Variants in MAPRE2 observed in about 807,000 individuals in gnomAD.
The protein encoded by MAPRE2 is microtubule associated protein RP/EB family member 2, also known as microtubule-associated protein RP/EB family member 2.
In MAPRE2, 13 loss-of-function variants were observed where a neutral mutation model predicts 43.2. The observed-to-expected ratio is 0.30, with a 90% CI of 0.20 to 0.48. MAPRE2 has a LOEUF of 0.48. Ranked by LOEUF, MAPRE2 falls within the 20% of genes least tolerant of loss-of-function variation. The pLI is 0.99. For missense variants in MAPRE2, 161 were observed against 400.2 expected (o/e 0.40, Z 5.10); for synonymous variants, 135 against 148.8 (o/e 0.91, Z 0.68).
At chr18:35,014,435 C>A (rs1453509773) in intron 2 of MAPRE2, among the ~76,000 whole-genome samples, 2 of 149,514 alleles carry the variant, frequency 1.3e-5, no homozygotes, top group Non-Finnish European at 3.0e-5. Context: ...CTATATAAGG[C>A]ATATATACCT....
intron 2 of MAPRE2, among the ~76,000 whole-genome samples, chr18:35,007,612 G>A (rs576047449): frequency 1.3e-5 from 2 of 152,366 alleles, no homozygotes; most frequent in South Asian, 4.1e-4. Flanking sequence ...TGGCCTGCAG[G>A]CCATCATTTG....
At chr18:34,990,487 T>A (rs943777973) in intron 1 of MAPRE2, among the ~76,000 whole-genome samples, 1 of 152,116 alleles carries the variant, frequency 6.6e-6, no homozygotes, top group Non-Finnish European at 1.5e-5. Flanking sequence ...TGTTGGGATA[T>A]TTTTGTCTGG....
At chr18:35,074,273 A>AG (rs796133806) in intron 2 of MAPRE2, among the ~76,000 whole-genome samples, 9 of 151,894 alleles carry the variant, frequency 5.9e-5, no homozygotes, top group Non-Finnish European at 1.2e-4. Context: ...CAGCTTGGGC[A>AG]GGGGGGTGAT....
At chr18:35,138,446 A>G (rs1034492996) in intron 6 of MAPRE2, among the ~76,000 whole-genome samples, 2 of 152,140 alleles carry the variant, frequency 1.3e-5, no homozygotes, top group Non-Finnish European at 2.9e-5. Context: ...GTAAGAGACA[A>G]TGCCAGATTT....
chr18:35,097,369 C>CTACATG, intron 2 of MAPRE2, 77 bp from the exon 3 acceptor site: 1 of 1,348,940 alleles, frequency 7.4e-7, no homozygotes, highest in Non-Finnish European at 1.0e-6. Flanking sequence ...AAGGACAATC[C>CTACATG]CCTTCCAGCC....
chr18:35,081,417 C>T (rs937464827), intron 2 of MAPRE2, among the ~76,000 whole-genome samples: 1 of 152,142 alleles, frequency 6.6e-6, no homozygotes, highest in African/African-American at 2.4e-5. Flanking sequence ...ACAGTCTGCA[C>T]GAATGTTATG....
chr18:35,119,842 G>GTAT (rs1909593846), intron 4 of MAPRE2, among the ~76,000 whole-genome samples: 1 of 152,108 alleles, frequency 6.6e-6, no homozygotes, highest in Non-Finnish European at 1.5e-5. Flanking sequence ...TATTTTCTTA[G>GTAT]TATTTCAGCT....
intron 1 of MAPRE2, among the ~76,000 whole-genome samples, chr18:35,046,408 G>A (rs1376865638): frequency 6.6e-6 from 1 of 152,220 alleles, no homozygotes; most frequent in African/African-American, 2.4e-5. Context: ...CTGAAGTCCA[G>A]TGTGCTGTAG....
At chr18:35,095,893 C>T (rs530747876) in intron 2 of MAPRE2, among the ~76,000 whole-genome samples, 1 of 152,052 alleles carries the variant, frequency 6.6e-6, no homozygotes, top group African/African-American at 2.4e-5. Context: ...TAAGAGAACC[C>T]ATCTGCTTGA....
intron 2 of MAPRE2, among the ~76,000 whole-genome samples, chr18:35,019,371 T>C (rs555235799): frequency 1.3e-5 from 2 of 151,970 alleles, no homozygotes; most frequent in Non-Finnish European, 2.9e-5. Context: ...CCAGAATTCC[T>C]TTGTCAATTG....
At chr18:35,111,431 AT>A (rs1909168207) in intron 4 of MAPRE2, among the ~76,000 whole-genome samples, 1 of 151,890 alleles carries the variant, frequency 6.6e-6, no homozygotes, top group Non-Finnish European at 1.5e-5. Context: ...TGTTGATTTT[AT>A]TTTTCTTTGA....
chr18:35,059,476 A>T (rs1337756001), intron 1 of MAPRE2, among the ~76,000 whole-genome samples: 1 of 152,190 alleles, frequency 6.6e-6, no homozygotes, highest in Non-Finnish European at 1.5e-5. Flanking sequence ...GCATTTATTT[A>T]TTGTGTACCT....
At chr18:34,990,625 G>A (rs1456905706) in intron 1 of MAPRE2, among the ~76,000 whole-genome samples, 1 of 152,098 alleles carries the variant, frequency 6.6e-6, no homozygotes, top group African/African-American at 2.4e-5. Context: ...GCTACGTTCA[G>A]TGTAAACCAC....
intron 3 of MAPRE2, 78 bp downstream of exon 3, chr18:35,097,669 G>A (rs17669564): frequency 0.052 from 67,458 of 1,298,776 alleles, 2,644 homozygotes; most frequent in East Asian, 0.21. Flanking sequence ...AAGTCCAGGA[G>A]CATACCAATG....
chr18:35,052,491 G>A (rs1234078015), intron 1 of MAPRE2, among the ~76,000 whole-genome samples: 1 of 152,082 alleles, frequency 6.6e-6, no homozygotes, highest in Non-Finnish European at 1.5e-5. Context: ...TATGTTTCCA[G>A]TTTTTAGGAA....
chr18:34,987,114 A>T (rs970248487), intron 1 of MAPRE2, among the ~76,000 whole-genome samples: 1 of 152,212 alleles, frequency 6.6e-6, no homozygotes, highest in African/African-American at 2.4e-5. Flanking sequence ...GAACTAGAAA[A>T]TTAGCAATGT....
At chr18:35,015,206 T>A (rs1473354260) in intron 2 of MAPRE2, among the ~76,000 whole-genome samples, 3 of 152,094 alleles carry the variant, frequency 2.0e-5, no homozygotes, top group Admixed American at 1.3e-4. Flanking sequence ...GCCTAGGGAT[T>A]CTGGTCCTGG....
At chr18:35,050,194 A>G (rs1905865075) in intron 1 of MAPRE2, among the ~76,000 whole-genome samples, 1 of 152,130 alleles carries the variant, frequency 6.6e-6, no homozygotes, top group Non-Finnish European at 1.5e-5. Flanking sequence ...CTCATCAATC[A>G]GTGATGTTTC....
chr18:35,051,860 G>A (rs533501446), intron 1 of MAPRE2, among the ~76,000 whole-genome samples: 21 of 152,292 alleles, frequency 1.4e-4, no homozygotes, highest in African/African-American at 4.6e-4. Flanking sequence ...TGTGCCAAAC[G>A]GTGCCTGGTG....
Sources: allele counts gnomAD v4.1 joint callset (sites outside exome capture counted in the v4.1 genomes callset), GRCh38; gene constraint gnomAD v4.1.1; transcripts MANE v1.5; gene names NCBI Gene and HGNC (gene_info 2026-07-23, HGNC 2026-07-21).